ANKRD65: variants seen among roughly 807,000 people sequenced by gnomAD.
The protein encoded by ANKRD65 is ankyrin repeat domain-containing protein 65.
Under a neutral mutation model 17.2 loss-of-function variants are expected in ANKRD65, and 26 were observed. The ratio of observed to expected loss-of-function variants is 1.51; its 90% CI spans 1.11 to 2.09. The LOEUF (loss-of-function observed/expected upper bound fraction) is 2.09. Ranked by LOEUF, ANKRD65 falls within the 30% of genes most tolerant of loss-of-function variation. The pLI, the probability that ANKRD65 is intolerant of heterozygous loss-of-function variation, is 0.00. For missense variants in ANKRD65, 621 were observed against 542.2 expected, an observed-to-expected ratio of 1.15 and a Z score of -1.44; for synonymous variants, 311 against 272.2, an observed-to-expected ratio of 1.14 and a Z score of -1.40.
chr1:1,418,809 A>G lies in ANKRD65; in HGVS notation c.*291T>C. On this transcript the variant is annotated 3_prime_UTR_variant, in exon 4 of 4. Transcript: ENST00000537107. The stretch of plus-strand genomic sequence containing the variant: ...CTTCCTTGTTGTTTTTTCTTAAAAC[A>G]GGTACTGAGTATAAAACACTATGAG... The G allele has an allele frequency of 3.0e-6, 1 of 335,310 alleles. No individual in the cohort carries two copies. Among genetic ancestry groups the G allele is most frequent in the Non-Finnish European group, 5.4e-6 (1 of 185,128 alleles). The allele number at this position is 335,310 out of a possible 1,614,324, so 20.8% of individuals were successfully genotyped here. A position where few individuals can be genotyped will look rare whatever the true frequency, so the allele number is the denominator to read the frequency against.
In ANKRD65 at chr1:1,420,173, G is replaced by T. The variant is rs187649920; in HGVS notation, c.629C>A (p.Ala210Asp). 1.9e-3 allele frequency: 2,106 copies of T among 1,095,876 alleles called. 22 individuals are homozygous for T. The African/African-American group carries it at 0.033, about 17-fold the overall frequency. 67.9% of individuals were successfully genotyped at this position (1,095,876 alleles called of 1,614,324 possible). The change falls in exon 3 of 4, where the codon GCT becomes GAT. Residue 210 changes from alanine to aspartate, a missense_variant. Physicochemically the swap from Ala to Asp is moderately radical, Grantham distance 126. Coordinates refer to ENST00000537107, the MANE Select transcript of ANKRD65 (RefSeq NM_001145210.3). ...GAGLDGALLV[A>D]AAAGRGAALR... ...CGCCGCCCCGCGCCCCGCAGCGGCA[G>T]CCACGAGCAGGGCGCCGTCCAGGCC... is the stretch of plus-strand genomic sequence containing the variant.
At position 1,420,082 on chromosome 1, in the gene ANKRD65, C is replaced by G. The variant is rs1002023131; in HGVS notation, c.720G>C (p.Leu240=). The G allele has an allele frequency of 3.1e-6, 4 of 1,292,608 alleles. No individual in the cohort carries two copies. In the African/African-American group the frequency reaches 4.7e-5, roughly 15 times the overall value. The allele number at this position is 1,292,608 out of a possible 1,614,324, so 80.1% of individuals were successfully genotyped here. The change falls in exon 3 of 4, where the codon CTG becomes CTC. Residue 240 remains leucine (L), a synonymous_variant. Transcript: ENST00000537107. ...AGCGGCCTAGGGCGGCCGCCAGACCCAGCGCTGTGGCCCCCGCGCCATCCC... is the reference window on the plus strand; with the variant it reads ...AGCGGCCTAGGGCGGCCGCCAGACCGAGCGCTGTGGCCCCCGCGCCATCCC... The part of the protein sequence containing the change: ...DARDGAGATA[L]GLAAALGRSQ...
At position 1,419,508 on chromosome 1, in the gene ANKRD65, G is replaced by A. The variant is rs879372192; in HGVS notation, c.792C>T (p.Ile264=). The A allele has an allele frequency of 3.4e-5, 53 of 1,542,572 alleles. No individual in the cohort carries two copies. The highest frequency in any genetic ancestry group is 4.5e-5 in the Non-Finnish European group (52 of 1,146,018). The change falls in exon 4 of 4, where the codon ATC becomes ATT. Residue 264 remains isoleucine, a synonymous_variant. Coordinates refer to ENST00000537107, the MANE Select transcript of ANKRD65 (RefSeq NM_001145210.3). ...GCGCAGAGCGGCCATGCCTGTCCCTGATGCCTGGGTCTGCCCCGTGGCCCA... is the reference window on the plus strand; with the variant it reads ...GCGCAGAGCGGCCATGCCTGTCCCTAATGCCTGGGTCTGCCCCGTGGCCCA... The part of the protein sequence containing the change: ...VLLGHGADPG[I]RDRHGRSALH...
rs1645492370 is a variant in ANKRD65, at chr1:1,419,062, A to G, written c.*38T>C. The G allele has an allele frequency of 1.4e-6, 2 of 1,452,732 alleles. No homozygotes were observed. The highest frequency in any genetic ancestry group is 1.8e-6 in the Non-Finnish European group (2 of 1,096,660). The allele number at this position is 1,452,732 out of a possible 1,614,324, so 90.0% of individuals were successfully genotyped here. On this transcript the variant is annotated 3_prime_UTR_variant, in exon 4 of 4. Transcript: ENST00000537107. ...GCAGCCTCAGCCAGAGAGCCTGGAA[A>G]TCACTGGGGCGGTGGAGCCTGGAGC... is the stretch of plus-strand genomic sequence containing the variant.
In ANKRD65 at chr1:1,420,559, G is replaced by C. The variant is rs1645535291; in HGVS notation, c.243C>G (p.Ala81=). Residue 81 remains alanine (A), a synonymous_variant, in exon 3 of 4, where the codon GCC becomes GCG. Coordinates refer to ENST00000537107, the MANE Select transcript of ANKRD65 (RefSeq NM_001145210.3). ...CCAGGGGCGCGTGGCCCCGCAGCAC[G>C]GCCAGGTGGAGCGGGGTCCGGCCTG... ...DHAGRTPLHL[A]VLRGHAPLVR... 9 of 1,337,586 alleles carry C rather than the reference G, an allele frequency of 6.7e-6. No homozygotes were observed. In the East Asian group the frequency reaches 2.3e-4, roughly 34 times the overall value. The allele number at this position is 1,337,586 out of a possible 1,614,324, so 82.9% of individuals were successfully genotyped here.
chr1:1,420,440 C>T lies in ANKRD65; in HGVS notation c.362G>A (p.Arg121Gln), dbSNP rs1326517623. ...LHEAAWHGHS[R>Q]VAELLLQRGA... ...GCGCTGCAGCAGCAGCTCGGCCACC[C>T]GCGAGTGTCCGTGCCAGGCGGCCTC... The change falls in exon 3 of 4, where the codon CGG (arginine) becomes CAG (glutamine). Residue 121 changes from arginine (R) to glutamine (Q), a missense_variant. Arg to Gln is a conservative substitution (Grantham distance 43). Coordinates refer to ENST00000537107, the MANE Select transcript of ANKRD65 (RefSeq NM_001145210.3). 2 of 1,329,180 alleles carry T rather than the reference C, an allele frequency of 1.5e-6. No individual in the cohort carries two copies. The highest frequency in any genetic ancestry group is 1.9e-6 in the Non-Finnish European group (2 of 1,040,924). 82.3% of individuals were successfully genotyped at this position (1,329,180 alleles called of 1,614,324 possible). A position where few individuals can be genotyped will look rare whatever the true frequency, so the allele number is the denominator to read the frequency against.
rs1478507703 is a variant in ANKRD65 at position 1,420,093 on chromosome 1, C to T, written c.709G>A (p.Ala237Thr). 4.7e-6 allele frequency: 6 copies of T among 1,282,010 alleles called. No homozygotes were observed. In the African/African-American group the frequency reaches 6.2e-5, roughly 13 times the overall value. The allele number at this position is 1,282,010 out of a possible 1,614,324, so 79.4% of individuals were successfully genotyped here. ...ARVDARDGAGATALGLAAALG... is the reference protein window; with the variant it reads ...ARVDARDGAGTTALGLAAALG... ...GCGGCCGCCAGACCCAGCGCTGTGGCCCCCGCGCCATCCCGGGCGTCCACC... is the reference window on the plus strand; with the variant it reads ...GCGGCCGCCAGACCCAGCGCTGTGGTCCCCGCGCCATCCCGGGCGTCCACC... Residue 237 changes from alanine (A) to threonine (T), a missense_variant, in exon 3 of 4, where the codon GCC (alanine) becomes ACC (threonine). Coordinates refer to ENST00000537107, the MANE Select transcript of ANKRD65 (RefSeq NM_001145210.3).
chr1:1,420,010 T>C (rs1274164434), intron 3 of ANKRD65, 42 bp downstream of exon 3: 2 of 1,246,238 alleles, frequency 1.6e-6, no homozygotes, highest in East Asian at 3.4e-5. Flanking sequence ...ATCCTGGCCC[T>C]GCGCCCCCTC....
At position 1,418,644 on chromosome 1, in the gene ANKRD65, T is replaced by C. The variant is rs1314789814; in HGVS notation, c.*456A>G. ...ACACGGCAGGGAGTTTCACAAATGT[T>C]CTTCTATACAATGTCTGGAATCTAT... On this transcript the variant is annotated 3_prime_UTR_variant, in exon 4 of 4. Transcript: ENST00000537107. 2 of 154,618 alleles carry C rather than the reference T, an allele frequency of 1.3e-5. No individual in the cohort carries two copies. Among genetic ancestry groups the C allele is most frequent in the Non-Finnish European group, 2.9e-5 (2 of 69,908 alleles). The allele number at this position is 154,618 out of a possible 1,614,324, so 9.6% of individuals were successfully genotyped here. A position where few individuals can be genotyped will look rare whatever the true frequency, so the allele number is the denominator to read the frequency against.
At chr1:1,421,073 C>A in intron 1 of ANKRD65, 60 bp downstream of exon 1, 1 of 1,453,912 alleles carries the variant, frequency 6.9e-7, no homozygotes, top group South Asian at 1.2e-5. Context: ...GTGTCCCAGG[C>A]CAACTGGAGC....
At position 1,420,285 on chromosome 1, in the gene ANKRD65, C is replaced by T; in HGVS notation, c.517G>A (p.Glu173Lys). Residue 173 changes from glutamate to lysine, a missense_variant, in exon 3 of 4, where the codon GAG (glutamate) becomes AAG (lysine). Glu to Lys is a moderately conservative substitution (Grantham distance 56). Transcript: ENST00000537107. The part of the protein sequence containing the change: ...PGPGPAAAEA[E>K]DARGWTAAHW... The stretch of plus-strand genomic sequence containing the variant: ...GCCGCCGTCCAGCCGCGCGCGTCCT[C>T]CGCCTCCGCTGCCGCGGGTCCCGGG... 1.9e-6 allele frequency: 2 copies of T among 1,032,398 alleles called. No homozygotes were observed. The highest frequency in any genetic ancestry group is 8.9e-5 in the East Asian group (1 of 11,174). 64.0% of individuals were successfully genotyped at this position (1,032,398 alleles called of 1,614,324 possible). A position where few individuals can be genotyped will look rare whatever the true frequency, so the allele number is the denominator to read the frequency against.
In ANKRD65 at chr1:1,420,480, GC is replaced by G; in HGVS notation, c.321del (p.Arg108AlafsTer139). ...CAGGCGGCCTCGTGCAGCGCGGTGC[GC>G]CCCGCCCGGTCCACCGCGCCCACCG... ...GAPVGAVDRAGRTALHEAAWH... is the reference protein window; with the variant it reads ...GAPVGAVDRAXRTALHEAAWH... On this transcript the variant is annotated frameshift_variant, in exon 3 of 4. Coordinates refer to ENST00000537107, the MANE Select transcript of ANKRD65 (RefSeq NM_001145210.3). LOFTEE classifies it high-confidence loss of function. 1.6e-6 allele frequency: 2 copies of G among 1,273,130 alleles called. No individual in the cohort carries two copies. Among genetic ancestry groups the G allele is most frequent in the Non-Finnish European group, 2.0e-6 (2 of 1,016,138 alleles). The allele number at this position is 1,273,130 out of a possible 1,614,324, so 78.9% of individuals were successfully genotyped here.
chr1:1,419,853 G>A (rs1381509731), intron 3 of ANKRD65, among the ~76,000 whole-genome samples, 199 bp downstream of exon 3: 1 of 152,180 alleles, frequency 6.6e-6, no homozygotes, highest in East Asian at 1.9e-4. Context: ...CCAGCATGAA[G>A]CCGAGCCCCG....
chr1:1,419,664 G>A (rs1557758671), intron 3 of ANKRD65, 115 bp from the exon 4 acceptor site: 1 of 989,086 alleles, frequency 1.0e-6, no homozygotes, highest in Non-Finnish European at 1.4e-6. Context: ...TGTCTCTCCT[G>A]ACACCACTTC....
chr1:1,420,012 C>A, intron 3 of ANKRD65, 40 bp downstream of exon 3: 2 of 1,249,886 alleles, frequency 1.6e-6, no homozygotes, highest in East Asian at 6.7e-5. Context: ...CCTGGCCCTG[C>A]GCCCCCTCCC....
intron 2 of ANKRD65, 58 bp downstream of exon 2, chr1:1,420,739 G>A: frequency 6.7e-7 from 1 of 1,494,018 alleles, no homozygotes; most frequent in Non-Finnish European, 8.9e-7. Flanking sequence ...CCAGTGCTGG[G>A]ACCCCCATCC....
In ANKRD65 at chr1:1,421,210, G is replaced by C; in HGVS notation, c.-78C>G. 1.7e-6 allele frequency: 1 copy of C among 586,274 alleles called. No individual in the cohort carries two copies. Among genetic ancestry groups the C allele is most frequent in the Admixed American group, 3.0e-5 (1 of 33,636 alleles). The allele number at this position is 586,274 out of a possible 1,614,324, so 36.3% of individuals were successfully genotyped here. On this transcript the variant is annotated 5_prime_UTR_variant, in exon 1 of 4. Coordinates refer to ENST00000537107, the MANE Select transcript of ANKRD65 (RefSeq NM_001145210.3). ...CGGGTTCTGGCCGAGGCTCAGCCTG[G>C]TGACCCTCTTCACAAAATCCCTTCT...
chr1:1,419,379 A>G lies in ANKRD65; in HGVS notation c.921T>C (p.His307=). 2 of 1,550,066 alleles carry G rather than the reference A, an allele frequency of 1.3e-6. No individual in the cohort carries two copies. The highest frequency in any genetic ancestry group is 1.7e-6 in the Non-Finnish European group (2 of 1,146,810). ...CCACGTGGCCTTCCCGAGAGGCGTG[A>G]TGCAGGGGTGTGAGGCCCAGGGTGT... ...ARDTLGLTPL[H]HASREGHVEV... is the part of the protein sequence containing the mutation. Residue 307 remains histidine (H), a synonymous_variant, in exon 4 of 4, where the codon CAT becomes CAC. Transcript: ENST00000537107.
Position 1,419,532 on chromosome 1 carries a change from C to T in ANKRD65, c.768G>A (p.Leu256=), listed in dbSNP as rs1645506664. The T allele has an allele frequency of 6.5e-6, 10 of 1,533,982 alleles. No homozygotes were observed. Among genetic ancestry groups the T allele is most frequent in the Non-Finnish European group, 8.8e-7 (1 of 1,142,686 alleles). The change falls in exon 4 of 4, where the codon CTG becomes CTA. Residue 256 remains leucine (L), a synonymous_variant. Coordinates refer to ENST00000537107, the MANE Select transcript of ANKRD65 (RefSeq NM_001145210.3). ...LGRSQDIEVL[L]GHGADPGIRD... is the part of the protein sequence containing the mutation. ...TGATGCCTGGGTCTGCCCCGTGGCC[C>T]AGCAGCACCTCAATGTCCTAGAAGA...
Sources: allele counts gnomAD v4.1 joint callset (sites outside exome capture counted in the v4.1 genomes callset), GRCh38; gene constraint gnomAD v4.1.1; transcripts MANE v1.5; gene names NCBI Gene and HGNC (gene_info 2026-07-23, HGNC 2026-07-21).